Variants in TJP1 observed in about 807,000 individuals in gnomAD.
TJP1 encodes the protein tight junction protein ZO-1.
In TJP1, 43 loss-of-function variants were observed where a neutral mutation model predicts 194.2. The observed-to-expected ratio is 0.22, with a 90% CI of 0.17 to 0.29. The LOEUF (loss-of-function observed/expected upper bound fraction) is 0.29. Ranked by LOEUF, TJP1 falls within the 10% of genes least tolerant of loss-of-function variation. The probability of loss-of-function intolerance (pLI) is 1.00; values close to 1 mark genes in which losing one functional copy is unlikely to be tolerated. For synonymous variants in TJP1, 801 were observed against 779.0 expected, an observed-to-expected ratio of 1.03 and a Z score of -0.47; for missense variants, 1,971 against 2,185.7, an observed-to-expected ratio of 0.90 and a Z score of 1.96.
intron 4 of TJP1, among the ~76,000 whole-genome samples, chr15:29,768,281 A>G (rs2046443115): frequency 6.6e-6 from 1 of 152,238 alleles, no homozygotes; most frequent in Admixed American, 6.5e-5. Flanking sequence ...ACTGAAAGAG[A>G]AAGGCTGCCC....
chr15:29,790,023 A>C (rs2047967806), intron 2 of TJP1, among the ~76,000 whole-genome samples: 1 of 152,110 alleles, frequency 6.6e-6, no homozygotes, highest in South Asian at 2.1e-4. Context: ...TTACAATAAA[A>C]CCTGGAGAGC....
intron 2 of TJP1, among the ~76,000 whole-genome samples, chr15:29,799,752 T>C (rs1046022379): frequency 3.9e-5 from 6 of 152,206 alleles, no homozygotes; most frequent in Admixed American, 3.3e-4. Flanking sequence ...TTACCCATTA[T>C]CTACTATGTG....
intron 6 of TJP1, 105 bp from the exon 7 acceptor site, chr15:29,761,874 C>A: frequency 9.6e-7 from 1 of 1,046,822 alleles, no homozygotes; most frequent in Non-Finnish European, 1.3e-6. Flanking sequence ...GCTATGAAAA[C>A]CAAAATATTC....
chr15:29,912,582 T>C (rs1733976243), intron 2 of TJP1, among the ~76,000 whole-genome samples: 1 of 151,304 alleles, frequency 6.6e-6, no homozygotes. Context: ...AGTGCATGCC[T>C]GTAATCCTAG....
chr15:29,854,077 G>A (rs2051751502), intron 2 of TJP1, among the ~76,000 whole-genome samples: 1 of 152,128 alleles, frequency 6.6e-6, no homozygotes, highest in Non-Finnish European at 1.5e-5. Flanking sequence ...CCAGTCTCTT[G>A]CCATGTTATT....
chr15:29,701,424 T>C lies in TJP1; in HGVS notation c.*171A>G. On this transcript the variant is annotated 3_prime_UTR_variant, in exon 28 of 28. Transcript: ENST00000614355. Reference sequence around the variant, plus strand: ...CAAACATGCAGTGTGTAGCATGTTTTCCGACCATGGTTCAGGGGCATGCTC... The same window carrying C: ...CAAACATGCAGTGTGTAGCATGTTTCCCGACCATGGTTCAGGGGCATGCTC... The C allele has an allele frequency of 1.8e-6, 1 of 542,380 alleles. No individual in the cohort carries two copies. The highest frequency in any genetic ancestry group is 2.8e-5 in the East Asian group (1 of 35,494). The allele number at this position is 542,380 out of a possible 1,614,324, so 33.6% of individuals were successfully genotyped here.
At chr15:29,950,105 ACCACCACCTCCACAACCACCACCT>A (rs1567227863) in intron 2 of TJP1, among the ~76,000 whole-genome samples, 1 of 59,432 alleles carries the variant, frequency 1.7e-5, no homozygotes, top group Admixed American at 1.9e-4. Flanking sequence ...CACCTCCACC[ACCACCACCTCCACAACCACCACCT>A]CCACCACCAC....
chr15:29,732,995 A>T, intron 13 of TJP1, 99 bp downstream of exon 13: 1 of 1,370,426 alleles, frequency 7.3e-7, no homozygotes, highest in Non-Finnish European at 1.0e-6. Context: ...AATACAATGA[A>T]AAAGAATTCT....
At chr15:29,895,488 A>G (rs2053449357) in intron 2 of TJP1, among the ~76,000 whole-genome samples, 1 of 152,138 alleles carries the variant, frequency 6.6e-6, no homozygotes, top group African/African-American at 2.4e-5. Context: ...TATGGTTTCT[A>G]ATAACATGTT....
In TJP1 at chr15:29,720,545, T is replaced by G; in HGVS notation, c.2576A>C (p.Asp859Ala). ...CCCAACCTCATCATTAAGAGTTTCA[T>G]CTAGTTCTTGATCAGTGTAGGCCCC... Reference protein sequence around the residue: ...EGGAYTDQELDETLNDEVGTP... With the variant: ...EGGAYTDQELAETLNDEVGTP... The change falls in exon 19 of 28, where the codon GAT (aspartate) becomes GCT (alanine). Residue 859 changes from aspartate to alanine, a missense_variant. Physicochemically the swap from Asp to Ala is moderately radical, Grantham distance 126. This residue lies in a region of TJP1 where 1,108 missense variants were observed against 1,128.5 expected (regional missense o/e 0.98). Coordinates refer to ENST00000614355, the MANE Select transcript of TJP1 (RefSeq NM_001330239.4). 1 of 1,614,086 alleles carries G rather than the reference T, an allele frequency of 6.2e-7. No homozygotes were observed. Among genetic ancestry groups the G allele is most frequent in the Non-Finnish European group, 8.5e-7 (1 of 1,180,010 alleles).
At chr15:29,838,764 C>T (rs1240470832) in intron 2 of TJP1, among the ~76,000 whole-genome samples, 2 of 152,102 alleles carry the variant, frequency 1.3e-5, no homozygotes, top group Non-Finnish European at 2.9e-5. Context: ...TTACAGCCTA[C>T]ACCCATCCTC....
chr15:29,714,037 A>T (rs1296388206), intron 23 of TJP1, among the ~76,000 whole-genome samples: 2 of 152,160 alleles, frequency 1.3e-5, no homozygotes, highest in African/African-American at 4.8e-5. Context: ...TGGTGGATGC[A>T]CCTAGTATAC....
At chr15:29,791,018 C>T (rs913069349) in intron 2 of TJP1, among the ~76,000 whole-genome samples, 1 of 151,840 alleles carries the variant, frequency 6.6e-6, no homozygotes, top group Admixed American at 6.6e-5. Flanking sequence ...TGCAGTTATC[C>T]CTTTGATATA....
intron 18 of TJP1, among the ~76,000 whole-genome samples, chr15:29,722,360 C>A (rs1214930700): frequency 6.6e-6 from 1 of 152,202 alleles, no homozygotes; most frequent in Non-Finnish European, 1.5e-5. Context: ...TGTTCTAGCT[C>A]CAGACATGGC....
At chr15:29,836,308 C>T (rs923589532) in intron 2 of TJP1, among the ~76,000 whole-genome samples, 1 of 150,748 alleles carries the variant, frequency 6.6e-6, no homozygotes. Flanking sequence ...GAGTCTTGCT[C>T]TGTCGCCAGG....
At chr15:29,820,479 T>C (rs2050254805) in intron 1 of TJP1, 3 of 715,054 alleles carry the variant, frequency 4.2e-6, no homozygotes, top group East Asian at 2.7e-5. Context: ...CTTTTCAATA[T>C]GCCATACAAA....
At chr15:29,946,656 T>C (rs2055293868) in intron 2 of TJP1, among the ~76,000 whole-genome samples, 1 of 152,250 alleles carries the variant, frequency 6.6e-6, no homozygotes, top group South Asian at 2.1e-4. Context: ...GGCCGATTTC[T>C]GTTTCCATTT....
chr15:29,870,631 G>A (rs2052480343), intron 2 of TJP1, among the ~76,000 whole-genome samples: 1 of 152,184 alleles, frequency 6.6e-6, no homozygotes. Context: ...GCTTGCGGGT[G>A]AGTGTTGACC....
intron 2 of TJP1, among the ~76,000 whole-genome samples, chr15:29,946,973 C>T (rs1302057996): frequency 1.3e-5 from 2 of 152,196 alleles, no homozygotes; most frequent in Non-Finnish European, 2.9e-5. Flanking sequence ...ACTAAAAATG[C>T]TACTGCAGGC....
Sources: gnomAD v4.1 joint callset for allele counts (sites outside exome capture counted in the v4.1 genomes callset) on GRCh38, gnomAD v4.1.1 for gene constraint, gnomAD v4.1.1 regional missense constraint, MANE v1.5 for transcripts, NCBI Gene and HGNC (gene_info 2026-07-23, HGNC 2026-07-21) for gene names.